RANBP10: variants seen among roughly 807,000 people sequenced by gnomAD.
RANBP10 encodes the protein RAN binding protein 10.
In RANBP10, 24 loss-of-function variants were observed where a neutral mutation model predicts 72.8. That is an observed-to-expected ratio of 0.33 (90% CI 0.24 to 0.46). The LOEUF (loss-of-function observed/expected upper bound fraction) is 0.46. RANBP10 is among the 20% of genes least tolerant of loss of function. The probability of loss-of-function intolerance (pLI) is 1.00; values close to 1 mark genes in which losing one functional copy is unlikely to be tolerated. For missense variants in RANBP10, 679 were observed against 817.5 expected, an observed-to-expected ratio of 0.83 and a Z score of 2.07; for synonymous variants, 310 against 322.3, an observed-to-expected ratio of 0.96 and a Z score of 0.41.
chr16:67,760,450 G>C (rs1391033544), intron 3 of RANBP10, among the ~76,000 whole-genome samples: 2 of 152,152 alleles, frequency 1.3e-5, no homozygotes, highest in African/African-American at 4.8e-5. Context: ...TTCCTGTTGG[G>C]CCTATGCCTC....
At position 67,776,649 on chromosome 16, in the gene RANBP10, T is replaced by G. The variant is rs2054710891; in HGVS notation, c.348-4563A>C. 2.0e-5 allele frequency among the ~76,000 whole-genome samples: 3 copies of G among 150,356 alleles called. No individual in the cohort carries two copies. The Admixed American group carries it at 2.0e-4, about 10-fold the overall frequency. ...TTAGCCGGGCGTGGTGGTGGGCACC[T>G]GTAATCCCAGCTACTTGGGAGGCCA... On this transcript the variant is annotated intron_variant, in intron 2 of 13. Transcript: ENST00000317506.
intron 3 of RANBP10, among the ~76,000 whole-genome samples, chr16:67,761,113 G>A (rs746399901): frequency 4.6e-5 from 7 of 152,018 alleles, no homozygotes; most frequent in Non-Finnish European, 7.4e-5. Flanking sequence ...TTTATTTTGG[G>A]GCCACACCCG....
chr16:67,802,733 T>C (rs990203886), intron 2 of RANBP10, among the ~76,000 whole-genome samples: 2 of 152,214 alleles, frequency 1.3e-5, no homozygotes, highest in African/African-American at 4.8e-5. Context: ...TGCCCACCTT[T>C]CTTTAGACTT....
intron 3 of RANBP10, among the ~76,000 whole-genome samples, chr16:67,752,651 T>C (rs571566224): frequency 1.3e-5 from 2 of 152,048 alleles, no homozygotes; most frequent in Admixed American, 1.3e-4. Context: ...CTTATATATA[T>C]ATATATTTAC....
At chr16:67,767,320 G>A (rs1349730157) in intron 3 of RANBP10, among the ~76,000 whole-genome samples, 1 of 152,006 alleles carries the variant, frequency 6.6e-6, no homozygotes, top group African/African-American at 2.4e-5. Flanking sequence ...AGGCAGGCAT[G>A]GTGGTATACA....
chr16:67,726,312 G>A lies in RANBP10; in HGVS notation c.*116C>T. ...AGGGAGAGGGGGAAAGGCCAGGCAG[G>A]AGGAGTGGACTCTGTCTATGGTTTC... is the stretch of plus-strand genomic sequence containing the variant. On this transcript the variant is annotated 3_prime_UTR_variant, in exon 14 of 14. Transcript: ENST00000317506. The A allele has an allele frequency of 6.8e-7, 1 of 1,471,188 alleles. No individual in the cohort carries two copies. The highest frequency in any genetic ancestry group is 9.3e-7 in the Non-Finnish European group (1 of 1,080,328). The allele number at this position is 1,471,188 out of a possible 1,614,324, so 91.1% of individuals were successfully genotyped here. A position where few individuals can be genotyped will look rare whatever the true frequency, so the allele number is the denominator to read the frequency against.
At chr16:67,802,111 AT>A (rs1387181129) in intron 2 of RANBP10, among the ~76,000 whole-genome samples, 32 of 148,176 alleles carry the variant, frequency 2.2e-4, no homozygotes, top group African/African-American at 5.6e-4. Flanking sequence ...AAAAAAAAAA[AT>A]CTACAAAAAA....
At chr16:67,771,659 A>C (rs1053890803) in intron 3 of RANBP10, among the ~76,000 whole-genome samples, 10 of 152,152 alleles carry the variant, frequency 6.6e-5, no homozygotes, top group Non-Finnish European at 1.2e-4. Context: ...TTGATCTTTA[A>C]CACGATGAAG....
At position 67,806,351 on chromosome 16, in the gene RANBP10, T is replaced by G; in HGVS notation, c.186A>C (p.Lys62Asn). 6.2e-7 allele frequency: 1 copy of G among 1,613,574 alleles called. No individual in the cohort carries two copies. Among genetic ancestry groups the G allele is most frequent in the Admixed American group, 1.7e-5 (1 of 59,930 alleles). The change falls in exon 1 of 14, where the codon AAA (lysine) becomes AAC (asparagine). Residue 62 changes from lysine (K) to asparagine (N), a missense_variant. Coordinates refer to ENST00000317506, the MANE Select transcript of RANBP10 (RefSeq NM_020850.3). ...PLPRSWSPKD[K>N]YNYIGLSQGN... ...CCTGGGAGAGACCAATGTAGTTGTA[T>G]TTGTCCTTGGGGCTCCAGGAGCGCG...
At chr16:67,751,835 G>A (rs773946948) in intron 3 of RANBP10, among the ~76,000 whole-genome samples, 1 of 152,014 alleles carries the variant, frequency 6.6e-6, no homozygotes, top group African/African-American at 2.4e-5. Context: ...AGAATCGCTT[G>A]AACCTGGGAG....
intron 2 of RANBP10, among the ~76,000 whole-genome samples, chr16:67,792,781 CAAA>C (rs755192834): frequency 1.0e-5 from 1 of 99,618 alleles, no homozygotes; most frequent in African/African-American, 3.8e-5. Context: ...GACTCCGTCT[CAAA>C]AAAAAAAAAA....
intron 13 of RANBP10, among the ~76,000 whole-genome samples, chr16:67,726,879 G>C (rs548106429): frequency 6.6e-6 from 1 of 152,264 alleles, no homozygotes; most frequent in Non-Finnish European, 1.5e-5. Flanking sequence ...TGAGTCACCA[G>C]AGAGGGCCTG....
intron 2 of RANBP10, among the ~76,000 whole-genome samples, chr16:67,781,639 C>A (rs895893730): frequency 2.0e-5 from 3 of 152,170 alleles, no homozygotes; most frequent in Admixed American, 1.3e-4. Context: ...AGACAGGAAG[C>A]ACAGAGAGGC....
chr16:67,787,710 T>G (rs2054941029), intron 2 of RANBP10, among the ~76,000 whole-genome samples: 1 of 152,046 alleles, frequency 6.6e-6, no homozygotes. Context: ...TAAAAAGGAA[T>G]GAAGTTCTAG....
intron 2 of RANBP10, among the ~76,000 whole-genome samples, chr16:67,804,718 A>G (rs1172677205): frequency 2.6e-5 from 4 of 152,022 alleles, no homozygotes; most frequent in Admixed American, 2.6e-4. Flanking sequence ...TAGTAGAGAC[A>G]GGGTTTCAGC....
intron 3 of RANBP10, among the ~76,000 whole-genome samples, chr16:67,745,996 A>T (rs1360253222): frequency 6.6e-6 from 1 of 152,144 alleles, no homozygotes; most frequent in East Asian, 1.9e-4. Flanking sequence ...GTCTCTACTA[A>T]AAATACAAAA....
rs71145979 is a variant in RANBP10, at chr16:67,737,192, C to CTTTTTTTTTT, written c.591+811_591+820dup. The stretch of plus-strand genomic sequence containing the variant: ...AGCAAGCAGAAAACTCCATCCTTTT[C>CTTTTTTTTTT]TTTTTTTTTTTTTTTTTTTTTTTTT... On this transcript the variant is annotated intron_variant, in intron 5 of 13. Coordinates refer to ENST00000317506, the MANE Select transcript of RANBP10 (RefSeq NM_020850.3). Among the ~76,000 whole-genome samples, 15 of 75,968 alleles carry CTTTTTTTTTT rather than the reference C, an allele frequency of 2.0e-4. 1 individual carries two copies. Among genetic ancestry groups the CTTTTTTTTTT allele is most frequent in the African/African-American group, 8.7e-4 (14 of 16,060 alleles). The allele number at this position is 75,968 out of a possible 152,430, so 49.8% of individuals were successfully genotyped here.
At chr16:67,765,671 C>T (rs1022305184) in intron 3 of RANBP10, among the ~76,000 whole-genome samples, 2 of 151,618 alleles carry the variant, frequency 1.3e-5, no homozygotes, top group African/African-American at 4.9e-5. Flanking sequence ...CCCATCTCTA[C>T]TAAAAATACA....
rs1597939257 is a variant in RANBP10 at position 67,805,358 on chromosome 16, A to G, written c.347+70T>C. 4.3e-6 allele frequency: 6 copies of G among 1,399,720 alleles called. No individual in the cohort carries two copies. The East Asian group carries it at 1.4e-4, about 32-fold the overall frequency. The allele number at this position is 1,399,720 out of a possible 1,614,324, so 86.7% of individuals were successfully genotyped here. On this transcript the variant is annotated intron_variant, in intron 2 of 13. Coordinates refer to ENST00000317506, the MANE Select transcript of RANBP10 (RefSeq NM_020850.3). ...TCACATCAGCAACAAGTGCCAGCCA[A>G]AGGACCTGAACTCTGACCACAGGGA...
Sources: gnomAD v4.1 joint callset for allele counts (sites outside exome capture counted in the v4.1 genomes callset) on GRCh38, gnomAD v4.1.1 for gene constraint, MANE v1.5 for transcripts, NCBI Gene and HGNC (gene_info 2026-07-23, HGNC 2026-07-21) for gene names.